The following ZNF804B variants were observed in gnomAD, a reference collection of about 807,000 sequenced individuals.
ZNF804B encodes zinc finger 804B.
A neutral mutation model predicts 101.4 loss-of-function variants in ZNF804B; 80 were observed. The ratio of observed to expected loss-of-function variants is 0.79; its 90% CI spans 0.66 to 0.95. ZNF804B has a LOEUF of 0.95. ZNF804B is among the 40% of genes least tolerant of loss of function. The probability of loss-of-function intolerance (pLI) is 0.00; values close to 1 mark genes in which losing one functional copy is unlikely to be tolerated. For missense variants in ZNF804B, 1,673 were observed against 1,561.9 expected, an observed-to-expected ratio of 1.07 and a Z score of -1.20; for synonymous variants, 622 against 558.8, an observed-to-expected ratio of 1.11 and a Z score of -1.59.
At chr7:89,155,491 C>A (rs1054616412) in intron 1 of ZNF804B, among the ~76,000 whole-genome samples, 1 of 152,144 alleles carries the variant, frequency 6.6e-6, no homozygotes, top group Admixed American at 6.6e-5. Flanking sequence ...AGCTTCAAAC[C>A]TTATATCCTC....
At chr7:89,282,000 A>G (rs1208873) in intron 2 of ZNF804B, among the ~76,000 whole-genome samples, 137,068 of 151,798 alleles carry the variant, frequency 0.9, 62,132 homozygotes, top group East Asian at 1. Context: ...AGGAGATCGA[A>G]ACCATCCCGG....
In ZNF804B at chr7:88,811,569, A is replaced by C. The variant is rs116644117; in HGVS notation, c.108+51485A>C. Reference sequence around the variant, plus strand: ...TTTACAATATCAAAGATATGGAATCAACCCAGATGCCCATCAGTGATAGAT... The same window carrying C: ...TTTACAATATCAAAGATATGGAATCCACCCAGATGCCCATCAGTGATAGAT... On this transcript the variant is annotated intron_variant, in intron 1 of 3. Coordinates refer to ENST00000333190, the MANE Select transcript of ZNF804B (RefSeq NM_181646.5). Among the ~76,000 whole-genome samples the C allele has an allele frequency of 2.3e-3, 350 of 152,336 alleles. 1 individual carries two copies. Among genetic ancestry groups the C allele is most frequent in the African/African-American group, 8.2e-3 (340 of 41,580 alleles).
chr7:89,330,556 T>A (rs1156555993), intron 3 of ZNF804B, among the ~76,000 whole-genome samples: 2 of 151,636 alleles, frequency 1.3e-5, no homozygotes, highest in Non-Finnish European at 3.0e-5. Context: ...TGTATTAAAA[T>A]AGTAGAATTT....
intron 1 of ZNF804B, among the ~76,000 whole-genome samples, chr7:89,147,373 A>G (rs1431480269): frequency 6.6e-6 from 1 of 152,032 alleles, no homozygotes. Flanking sequence ...TCTCATCTTA[A>G]AATTGTGTTT....
intron 1 of ZNF804B, among the ~76,000 whole-genome samples, chr7:88,927,885 T>G (rs1792830120): frequency 6.6e-6 from 1 of 152,140 alleles, no homozygotes; most frequent in African/African-American, 2.4e-5. Flanking sequence ...GCATGTTTAA[T>G]TCTTCTTATA....
intron 2 of ZNF804B, among the ~76,000 whole-genome samples, chr7:89,274,797 A>G (rs938092200): frequency 6.6e-6 from 1 of 151,818 alleles, no homozygotes; most frequent in African/African-American, 2.4e-5. Context: ...CTTGTAGGAC[A>G]TCACTCTACC....
At chr7:89,304,861 T>C (rs1790536766) in intron 2 of ZNF804B, among the ~76,000 whole-genome samples, 1 of 151,926 alleles carries the variant, frequency 6.6e-6, no homozygotes, top group African/African-American at 2.4e-5. Context: ...CTGGGTCTCA[T>C]TTTCCTGCTT....
At chr7:89,065,307 TTTC>T (rs1277038772) in intron 1 of ZNF804B, among the ~76,000 whole-genome samples, 5 of 152,168 alleles carry the variant, frequency 3.3e-5, no homozygotes, top group African/African-American at 1.2e-4. Context: ...AGCATTGAGC[TTTC>T]TTCTTAAACA....
intron 1 of ZNF804B, among the ~76,000 whole-genome samples, chr7:88,879,718 G>A (rs1290318735): frequency 6.6e-6 from 1 of 152,062 alleles, no homozygotes; most frequent in Non-Finnish European, 1.5e-5. Flanking sequence ...AGCTTCCCGA[G>A]TTAAGTCTAA....
intron 1 of ZNF804B, among the ~76,000 whole-genome samples, chr7:88,878,186 G>A (rs1037685338): frequency 6.6e-6 from 1 of 152,084 alleles, no homozygotes; most frequent in African/African-American, 2.4e-5. Context: ...GTGGTAATTT[G>A]AAATGGGCTA....
chr7:88,800,429 T>G (rs1332977935), intron 1 of ZNF804B, among the ~76,000 whole-genome samples: 1 of 152,116 alleles, frequency 6.6e-6, no homozygotes, highest in Non-Finnish European at 1.5e-5. Flanking sequence ...TCACATAGTT[T>G]TCATCTATTT....
At chr7:88,896,597 A>G (rs924105969) in intron 1 of ZNF804B, among the ~76,000 whole-genome samples, 1 of 152,174 alleles carries the variant, frequency 6.6e-6, no homozygotes, top group Admixed American at 6.5e-5. Context: ...CCAATTATTT[A>G]TAAAGTAACA....
intron 1 of ZNF804B, among the ~76,000 whole-genome samples, chr7:88,825,842 G>A (rs4236509): frequency 0.17 from 25,923 of 152,040 alleles, 2,667 homozygotes; most frequent in East Asian, 0.45. Context: ...ACCAAGTGCC[G>A]TGTGACTCAG....
chr7:89,096,166 A>G (rs1005642498), intron 1 of ZNF804B, among the ~76,000 whole-genome samples: 6 of 151,974 alleles, frequency 3.9e-5, no homozygotes, highest in African/African-American at 1.5e-4. Context: ...AAAAAAAAAA[A>G]AAAAAGAAAA....
chr7:88,904,803 T>A (rs924868189), intron 1 of ZNF804B, among the ~76,000 whole-genome samples: 1 of 152,226 alleles, frequency 6.6e-6, no homozygotes, highest in Non-Finnish European at 1.5e-5. Flanking sequence ...TGATTTTGTA[T>A]CCTGGAACAT....
intron 2 of ZNF804B, among the ~76,000 whole-genome samples, chr7:89,286,955 C>G (rs1562937524): frequency 6.6e-6 from 1 of 152,166 alleles, no homozygotes; most frequent in Admixed American, 6.5e-5. Context: ...TTGCCTCTGT[C>G]ACATTGAGAT....
At chr7:88,831,310 T>A (rs1423913568) in intron 1 of ZNF804B, among the ~76,000 whole-genome samples, 1 of 151,924 alleles carries the variant, frequency 6.6e-6, no homozygotes, top group African/African-American at 2.4e-5. Flanking sequence ...CCTTATATCC[T>A]AAGACTTAAT....
At chr7:89,021,513 T>G (rs773946261) in intron 1 of ZNF804B, among the ~76,000 whole-genome samples, 36 of 152,184 alleles carry the variant, frequency 2.4e-4, no homozygotes, top group Non-Finnish European at 4.7e-4. Flanking sequence ...CCTGATTGTG[T>G]GTCTGCTGAT....
At chr7:89,053,994 AC>A (rs1789252192) in intron 1 of ZNF804B, among the ~76,000 whole-genome samples, 1 of 151,854 alleles carries the variant, frequency 6.6e-6, no homozygotes, top group African/African-American at 2.4e-5. Context: ...TATGGCTTTA[AC>A]CTCTTTTAAC....
Sources: gnomAD v4.1 joint callset for allele counts (sites outside exome capture counted in the v4.1 genomes callset) on GRCh38, gnomAD v4.1.1 for gene constraint, MANE v1.5 for transcripts, NCBI Gene and HGNC (gene_info 2026-07-23, HGNC 2026-07-21) for gene names.